CFAP61: variants seen among roughly 807,000 people sequenced by gnomAD.
CFAP61 encodes the protein cilia and flagella associated protein 61, also known as cilia- and flagella-associated protein 61.
Under a neutral mutation model 135.6 loss-of-function variants are expected in CFAP61, and 107 were observed. That is an observed-to-expected ratio of 0.79 (90% CI 0.67 to 0.93). The LOEUF (loss-of-function observed/expected upper bound fraction) is 0.93. Ranked by LOEUF, CFAP61 falls within the 40% of genes least tolerant of loss-of-function variation. The probability of loss-of-function intolerance (pLI) is 0.00; values close to 1 mark genes in which losing one functional copy is unlikely to be tolerated. For missense variants in CFAP61, 1,507 were observed against 1,556.2 expected (o/e 0.97, Z 0.53); for synonymous variants, 575 against 578.5 (o/e 0.99, Z 0.09).
intron 26 of CFAP61, among the ~76,000 whole-genome samples, chr20:20,348,214 G>C (rs1424603745): frequency 1.3e-5 from 2 of 152,056 alleles, no homozygotes; most frequent in Non-Finnish European, 2.9e-5. Context: ...TGCAAGAAAA[G>C]AAAACTTACA....
At chr20:20,336,406 A>G (rs2058193657) in intron 25 of CFAP61, among the ~76,000 whole-genome samples, 1 of 152,136 alleles carries the variant, frequency 6.6e-6, no homozygotes, top group Non-Finnish European at 1.5e-5. Flanking sequence ...GGATTACTTG[A>G]GGCTAGGAGT....
chr20:20,063,463 G>T (rs1469077859), intron 2 of CFAP61, among the ~76,000 whole-genome samples: 1 of 152,126 alleles, frequency 6.6e-6, no homozygotes, highest in Non-Finnish European at 1.5e-5. Context: ...CTAGAAAATT[G>T]ATTAGTCTAA....
At chr20:20,243,394 AT>A (rs1403714238) in intron 18 of CFAP61, among the ~76,000 whole-genome samples, 1 of 151,120 alleles carries the variant, frequency 6.6e-6, no homozygotes, top group Non-Finnish European at 1.5e-5. Flanking sequence ...ATGCCTTCAC[AT>A]TTCAAAACCC....
chr20:20,171,725 GCTAA>G, intron 13 of CFAP61: 2 of 648,212 alleles, frequency 3.1e-6, no homozygotes, highest in South Asian at 3.6e-5. Context: ...AAAACATTTT[GCTAA>G]CTGTGTTTCA....
In CFAP61 at chr20:20,166,389, G is replaced by T. The variant is rs76478725; in HGVS notation, c.1206-8G>T. On this transcript the variant is annotated splice_polypyrimidine_tract_variant and splice_region_variant and intron_variant, in intron 11 of 26. Coordinates refer to ENST00000245957, the MANE Select transcript of CFAP61 (RefSeq NM_015585.4). ...GGGCACTGACAGTGCTTACTGTCTT[G>T]TTTACAGGTCGCTGGATTTTATGAA... is the stretch of plus-strand genomic sequence containing the variant. 5.8e-5 allele frequency: 93 copies of T among 1,613,368 alleles called. 1 individual carries two copies. In the East Asian group the frequency reaches 2.0e-3, roughly 35 times the overall value.
chr20:20,061,427 C>T (rs2044787766), intron 2 of CFAP61, among the ~76,000 whole-genome samples: 1 of 151,938 alleles, frequency 6.6e-6, no homozygotes, highest in Admixed American at 6.6e-5. Flanking sequence ...TGAGACATAC[C>T]TCATATATAA....
At chr20:20,079,768 AC>A (rs1235492222) in intron 6 of CFAP61, among the ~76,000 whole-genome samples, 1 of 152,100 alleles carries the variant, frequency 6.6e-6, no homozygotes, top group Non-Finnish European at 1.5e-5. Flanking sequence ...TCTTTATAAA[AC>A]CCTTTGATAA....
chr20:20,065,339 C>T (rs1183708521), intron 2 of CFAP61, among the ~76,000 whole-genome samples: 1 of 151,848 alleles, frequency 6.6e-6, no homozygotes, highest in Non-Finnish European at 1.5e-5. Flanking sequence ...CCACACTTTT[C>T]CTATCTCAGT....
chr20:20,099,532 G>T (rs1482299328), intron 8 of CFAP61, among the ~76,000 whole-genome samples: 2 of 151,548 alleles, frequency 1.3e-5, no homozygotes, highest in African/African-American at 4.9e-5. Context: ...CTCCAAAGCT[G>T]GATTTCTTCA....
At chr20:20,283,364 A>ATATT (rs2054340748) in intron 22 of CFAP61, among the ~76,000 whole-genome samples, 1 of 152,134 alleles carries the variant, frequency 6.6e-6, no homozygotes, top group Non-Finnish European at 1.5e-5. Flanking sequence ...TACTAATATG[A>ATATT]CCATTCCATT....
At chr20:20,322,211 A>G (rs1266021485) in intron 25 of CFAP61, among the ~76,000 whole-genome samples, 1 of 151,952 alleles carries the variant, frequency 6.6e-6, no homozygotes, top group Non-Finnish European at 1.5e-5. Flanking sequence ...TACCCCTGTC[A>G]TCATGGAGCA....
chr20:20,231,641 G>A (rs759551216), intron 18 of CFAP61, among the ~76,000 whole-genome samples: 4 of 152,192 alleles, frequency 2.6e-5, no homozygotes, highest in Non-Finnish European at 5.9e-5. Flanking sequence ...GGGAGCCCAG[G>A]AGGAAAGGAC....
chr20:20,254,353 G>A (rs960491195), intron 20 of CFAP61, among the ~76,000 whole-genome samples: 8 of 151,706 alleles, frequency 5.3e-5, no homozygotes, highest in African/African-American at 1.9e-4. Flanking sequence ...CCCTTAGCTT[G>A]TCTTCCTGTC....
At position 20,056,500 on chromosome 20, in the gene CFAP61, G is replaced by T. The variant is rs189935226; in HGVS notation, c.-36-118G>T. 824 of 694,812 alleles carry T rather than the reference G, an allele frequency of 1.2e-3. 11 individuals are homozygous for T. The African/African-American group carries it at 0.012, about 10-fold the overall frequency. The allele number at this position is 694,812 out of a possible 1,614,324, so 43.0% of individuals were successfully genotyped here. A position where few individuals can be genotyped will look rare whatever the true frequency, so the allele number is the denominator to read the frequency against. ...ACAGTTGTCACAGACTACACCCAGG[G>T]GAAAACGTGTCACACCAGTATTCTC... On this transcript the variant is annotated intron_variant, in intron 1 of 26. Coordinates refer to ENST00000245957, the MANE Select transcript of CFAP61 (RefSeq NM_015585.4).
intron 15 of CFAP61, 101 bp downstream of exon 15, chr20:20,191,520 G>T: frequency 1.4e-6 from 1 of 716,442 alleles, no homozygotes; most frequent in South Asian, 2.1e-5. Flanking sequence ...CTTATTTAAT[G>T]TGAATGCCTC....
intron 20 of CFAP61, among the ~76,000 whole-genome samples, chr20:20,259,347 C>T (rs750274633): frequency 1.3e-5 from 2 of 149,782 alleles, no homozygotes; most frequent in African/African-American, 2.5e-5. Flanking sequence ...TTGACCTCCC[C>T]GGCTCAGGTG....
chr20:20,093,750 G>T (rs2047372515), intron 7 of CFAP61, among the ~76,000 whole-genome samples: 1 of 152,144 alleles, frequency 6.6e-6, no homozygotes, highest in Non-Finnish European at 1.5e-5. Context: ...TTGAAGGGTT[G>T]TTTTTATGGT....
At chr20:20,357,932 C>T (rs1602194386) in intron 26 of CFAP61, among the ~76,000 whole-genome samples, 12 of 86,566 alleles carry the variant, frequency 1.4e-4, no homozygotes, top group East Asian at 3.9e-4. Flanking sequence ...GGTGGTCACA[C>T]TGAGGGAAGG....
intron 22 of CFAP61, among the ~76,000 whole-genome samples, chr20:20,284,837 T>C (rs1019735027): frequency 4.6e-5 from 7 of 152,246 alleles, no homozygotes; most frequent in African/African-American, 1.7e-4. Context: ...TAAGGTCATA[T>C]GTATTTTGAA....
Sources: allele counts gnomAD v4.1 joint callset (sites outside exome capture counted in the v4.1 genomes callset), GRCh38; gene constraint gnomAD v4.1.1; transcripts MANE v1.5; gene names NCBI Gene and HGNC (gene_info 2026-07-23, HGNC 2026-07-21).